CLDN10: variants seen among roughly 807,000 people sequenced by gnomAD.
CLDN10 encodes the protein claudin 10.
Under a neutral mutation model 22.9 loss-of-function variants are expected in CLDN10, and 15 were observed. The observed-to-expected ratio is 0.65, with a 90% confidence interval of 0.44 to 1.01. CLDN10 has a LOEUF of 1.01. Among genes scored for constraint, CLDN10 ranks in the 50% least tolerant of loss-of-function variants. The probability of loss-of-function intolerance (pLI) is 0.00; values close to 1 mark genes in which losing one functional copy is unlikely to be tolerated. For missense variants in CLDN10, 247 were observed against 287.8 expected (o/e 0.86, Z 1.03); for synonymous variants, 114 against 111.4 (o/e 1.02, Z -0.15).
chr13:95,515,747 C>T (rs1219549111), intron 1 of CLDN10, among the ~76,000 whole-genome samples: 1 of 152,106 alleles, frequency 6.6e-6, no homozygotes, highest in Non-Finnish European at 1.5e-5. Context: ...GCTTGTAGAA[C>T]GCGAGCCCAG....
intron 1 of CLDN10, among the ~76,000 whole-genome samples, chr13:95,471,440 C>CACACACACACACATATAT (rs746573300): frequency 2.9e-5 from 3 of 104,404 alleles, no homozygotes; most frequent in African/African-American, 4.0e-5. Context: ...CACACACACA[C>CACACACACACACATATAT]ATATATATAT....
upstream of CLDN10, among the ~76,000 whole-genome samples, chr13:95,551,408 GC>G (rs1439978831): frequency 6.6e-6 from 1 of 152,158 alleles, no homozygotes; most frequent in South Asian, 2.1e-4. Flanking sequence ...TGAGTGTGGA[GC>G]GTGTCCTGCT....
chr13:95,552,591 G>A, upstream of CLDN10: 1 of 821,448 alleles, frequency 1.2e-6, no homozygotes, highest in Non-Finnish European at 1.7e-6. Context: ...GGGCATGGGT[G>A]TGAGGGGTCG....
At chr13:95,461,124 A>G (rs770053569) in intron 1 of CLDN10, among the ~76,000 whole-genome samples, 1 of 151,710 alleles carries the variant, frequency 6.6e-6, no homozygotes, top group Non-Finnish European at 1.5e-5. Flanking sequence ...AAGAAGAAAA[A>G]ATTATTTTTT....
intron 1 of CLDN10, among the ~76,000 whole-genome samples, chr13:95,541,331 T>G (rs901191109): frequency 6.6e-6 from 1 of 152,168 alleles, no homozygotes. Flanking sequence ...TAGGAGAAAC[T>G]GGGGCAGCTG....
upstream of CLDN10, among the ~76,000 whole-genome samples, chr13:95,548,019 G>C (rs536817766): frequency 6.6e-6 from 1 of 152,192 alleles, no homozygotes; most frequent in African/African-American, 2.4e-5. Flanking sequence ...GTTGAAAGTG[G>C]TCTCGGAAGA....
chr13:95,481,598 G>A (rs1955984697), intron 1 of CLDN10, among the ~76,000 whole-genome samples: 1 of 152,222 alleles, frequency 6.6e-6, no homozygotes, highest in Non-Finnish European at 1.5e-5. Flanking sequence ...AGCCACAGAT[G>A]ATATTTAAGA....
In CLDN10 at chr13:95,439,348, A is replaced by T. The variant is rs1007957266; in HGVS notation, c.214+5301A>T. Among the ~76,000 whole-genome samples the T allele has an allele frequency of 6.5e-3, 967 of 148,708 alleles. 15 individuals carry two copies. Among genetic ancestry groups the T allele is most frequent in the Non-Finnish European group, 6.3e-3 (423 of 67,282 alleles). ...TCTGAGGCCTCTTTTTTATGTTATT[A>T]TTATTTTTTTTTTTGAGACTGAGTC... On this transcript the variant is annotated intron_variant, in intron 1 of 4. Transcript: ENST00000376873.
At chr13:95,438,935 A>G (rs2042297375) in intron 1 of CLDN10, among the ~76,000 whole-genome samples, 1 of 138,888 alleles carries the variant, frequency 7.2e-6, no homozygotes, top group East Asian at 2.4e-4. Flanking sequence ...GCCAAGATCG[A>G]GCTGCACTCC....
chr13:95,544,589 G>C (rs2043489990), intron 1 of CLDN10, among the ~76,000 whole-genome samples: 1 of 152,098 alleles, frequency 6.6e-6, no homozygotes, highest in Non-Finnish European at 1.5e-5. Flanking sequence ...TCTGTTATCA[G>C]TCTGCCATAT....
chr13:95,444,081 C>T (rs2042348927), intron 1 of CLDN10, among the ~76,000 whole-genome samples: 1 of 152,202 alleles, frequency 6.6e-6, no homozygotes, highest in African/African-American at 2.4e-5. Flanking sequence ...GTTTATCTCT[C>T]ACAAGGTTCA....
intron 1 of CLDN10, among the ~76,000 whole-genome samples, chr13:95,529,467 G>A (rs1169191962): frequency 6.6e-6 from 1 of 152,078 alleles, no homozygotes; most frequent in East Asian, 1.9e-4. Context: ...TTATTAATAT[G>A]TTATTTTTTT....
intron 3 of CLDN10, among the ~76,000 whole-genome samples, chr13:95,565,097 C>T (rs1236037391): frequency 1.3e-5 from 2 of 151,392 alleles, no homozygotes; most frequent in Non-Finnish European, 2.9e-5. Flanking sequence ...AACTAACTTC[C>T]TCCTTTTTAT....
At chr13:95,492,264 G>A (rs777287682) in intron 1 of CLDN10, among the ~76,000 whole-genome samples, 2 of 151,952 alleles carry the variant, frequency 1.3e-5, no homozygotes, top group African/African-American at 2.4e-5. Flanking sequence ...CTACCAGGGC[G>A]GGTAGGGAAG....
At chr13:95,563,525 A>G (rs2043745638) in intron 3 of CLDN10, among the ~76,000 whole-genome samples, 2 of 152,184 alleles carry the variant, frequency 1.3e-5, no homozygotes, top group African/African-American at 4.8e-5. Flanking sequence ...TATAGAAAAT[A>G]TAGACTATAA....
At chr13:95,568,041 T>C (rs1362650858) in intron 3 of CLDN10, among the ~76,000 whole-genome samples, 1 of 152,240 alleles carries the variant, frequency 6.6e-6, no homozygotes, top group Non-Finnish European at 1.5e-5. Flanking sequence ...CAGATTTTCC[T>C]GGGTGAGGTT....
chr13:95,448,429 C>T (rs1482486895), intron 1 of CLDN10, among the ~76,000 whole-genome samples: 1 of 152,234 alleles, frequency 6.6e-6, no homozygotes, highest in African/African-American at 2.4e-5. Flanking sequence ...CCTACATACA[C>T]ATACACCATG....
At chr13:95,446,027 C>T (rs915243957) in intron 1 of CLDN10, among the ~76,000 whole-genome samples, 7 of 151,988 alleles carry the variant, frequency 4.6e-5, no homozygotes, top group African/African-American at 1.7e-4. Context: ...TTTGTTTCAC[C>T]TGGAAGAAAT....
chr13:95,488,659 T>C (rs1291143717), intron 1 of CLDN10, among the ~76,000 whole-genome samples: 2 of 152,158 alleles, frequency 1.3e-5, no homozygotes, highest in East Asian at 3.9e-4. Context: ...AATAATAGTC[T>C]CCAGTCTTAT....
Sources: gnomAD v4.1 joint callset for allele counts (sites outside exome capture counted in the v4.1 genomes callset) on GRCh38, gnomAD v4.1.1 for gene constraint, MANE v1.5 for transcripts, NCBI Gene and HGNC (gene_info 2026-07-23, HGNC 2026-07-21) for gene names.